PPP4R4: variants seen among roughly 807,000 people sequenced by gnomAD.
PPP4R4 encodes serine/threonine-protein phosphatase 4 regulatory subunit 4.
PPP4R4 carries 70 observed loss-of-function variants against 121.8 expected under a neutral mutation model. The observed-to-expected ratio is 0.57, with a 90% CI of 0.47 to 0.70. PPP4R4 has a LOEUF of 0.70. Ranked by LOEUF, PPP4R4 falls within the 30% of genes least tolerant of loss-of-function variation. PPP4R4 has a pLI of 0.00. For missense variants in PPP4R4, 875 were observed against 1,033.6 expected (o/e 0.85, Z 2.10); for synonymous variants, 348 against 355.7 (o/e 0.98, Z 0.24).
At chr14:94,257,570 A>G (rs186319507) in intron 17 of PPP4R4, among the ~76,000 whole-genome samples, 3 of 151,900 alleles carry the variant, frequency 2.0e-5, no homozygotes, top group African/African-American at 7.2e-5. Flanking sequence ...TTTTAGTTTT[A>G]ATGAAATGTG....
At chr14:94,232,050 T>C (rs919469788) in intron 5 of PPP4R4, among the ~76,000 whole-genome samples, 4 of 152,184 alleles carry the variant, frequency 2.6e-5, no homozygotes, top group African/African-American at 7.2e-5. Flanking sequence ...GCTATTTACC[T>C]ATTATGGTTG....
chr14:94,210,714 G>T (rs954180444), intron 3 of PPP4R4, among the ~76,000 whole-genome samples: 2 of 152,136 alleles, frequency 1.3e-5, no homozygotes, highest in African/African-American at 4.8e-5. Flanking sequence ...GTATAATAGA[G>T]TATTGTGTGC....
At chr14:94,265,314 T>A (rs1893983114) in intron 20 of PPP4R4, 73 bp from the exon 21 acceptor site, 2 of 1,074,374 alleles carry the variant, frequency 1.9e-6, no homozygotes, top group Admixed American at 3.7e-5. Context: ...ATTGTCTGAG[T>A]TGTCTTGTGT....
chr14:94,204,360 C>T (rs1321345053), intron 2 of PPP4R4, among the ~76,000 whole-genome samples: 1 of 151,836 alleles, frequency 6.6e-6, no homozygotes, highest in African/African-American at 2.4e-5. Context: ...ACTGGATTGT[C>T]TCTGCACTGT....
intron 19 of PPP4R4, among the ~76,000 whole-genome samples, chr14:94,261,651 G>T (rs1228242424): frequency 6.6e-6 from 1 of 151,888 alleles, no homozygotes; most frequent in Non-Finnish European, 1.5e-5. Context: ...CTGATCTTAG[G>T]GGGAAACAGT....
In PPP4R4 at chr14:94,272,182, GA is replaced by G. The variant is rs561358715; in HGVS notation, c.2450-3188del. ...ACTGTTGCGAAGTTTACCTAGAGAA[GA>G]AAAGTCCCGGAATAGCCAACATGAT... On this transcript the variant is annotated intron_variant, in intron 23 of 24. Coordinates refer to ENST00000304338, the MANE Select transcript of PPP4R4 (RefSeq NM_058237.2). Among the ~76,000 whole-genome samples the G allele has an allele frequency of 1.1e-3, 175 of 152,278 alleles. 1 individual carries two copies. Among genetic ancestry groups the G allele is most frequent in the Non-Finnish European group, 2.3e-3 (155 of 67,992 alleles).
chr14:94,176,888 G>A lies in PPP4R4; in HGVS notation c.191+761G>A, dbSNP rs568707250. ...TTACACAACATATTTTTCCCTTTTG[G>A]CAAATTAGTCACTCTTTTTTTTTCC... is the stretch of plus-strand genomic sequence containing the variant. On this transcript the variant is annotated intron_variant, in intron 2 of 24. Coordinates refer to ENST00000304338, the MANE Select transcript of PPP4R4 (RefSeq NM_058237.2). Among the ~76,000 whole-genome samples the A allele has an allele frequency of 5.9e-5, 9 of 151,878 alleles. No individual in the cohort carries two copies. In the South Asian group the frequency reaches 1.9e-3, roughly 31 times the overall value.
At chr14:94,174,889 T>TC (rs1888582408) in intron 1 of PPP4R4, among the ~76,000 whole-genome samples, 5 of 141,388 alleles carry the variant, frequency 3.5e-5, no homozygotes, top group Admixed American at 2.1e-4. Context: ...GGCGTCCGAA[T>TC]CCCCCCGGCC....
At chr14:94,266,824 G>T (rs989590004) in intron 22 of PPP4R4, 135 bp from the exon 23 acceptor site, 1 of 613,886 alleles carries the variant, frequency 1.6e-6, no homozygotes, top group South Asian at 2.1e-5. Context: ...TAAAAAAAAT[G>T]AGAAATAAAA....
rs988872772 is a variant in PPP4R4, at chr14:94,255,317, G to T, written c.1866-1143G>T. ...GCTGGTAAAAGATATTCAGAATCCG[G>T]ACTGGGCGCGGTGGCTCCTGCCTGT... On this transcript the variant is annotated intron_variant, in intron 16 of 24. Transcript: ENST00000304338. Among the ~76,000 whole-genome samples the T allele has an allele frequency of 6.6e-5, 10 of 152,180 alleles. No homozygotes were observed. The Middle Eastern group carries it at 0.014, about 207-fold the overall frequency.
In PPP4R4 at chr14:94,217,614, G is replaced by GT. The variant is rs1199677228; in HGVS notation, c.294+9049dup. Among the ~76,000 whole-genome samples, 4 of 152,108 alleles carry GT rather than the reference G, an allele frequency of 2.6e-5. No homozygotes were observed. The East Asian group carries it at 7.7e-4, about 29-fold the overall frequency. On this transcript the variant is annotated intron_variant, in intron 3 of 24. Coordinates refer to ENST00000304338, the MANE Select transcript of PPP4R4 (RefSeq NM_058237.2). ...ATTTAAAGTAACTGTGATTTATATGGTAAAAAAAAATCCACTGAAAAAACA... is the reference window on the plus strand; with the variant it reads ...ATTTAAAGTAACTGTGATTTATATGGTTAAAAAAAAATCCACTGAAAAAACA...
intron 2 of PPP4R4, among the ~76,000 whole-genome samples, chr14:94,206,271 A>G (rs1206823417): frequency 4.0e-5 from 6 of 151,822 alleles, no homozygotes; most frequent in African/African-American, 1.2e-4. Flanking sequence ...CTTGATACTC[A>G]TATAGCCACT....
At chr14:94,269,664 A>AAAAAC (rs1894223213) in intron 23 of PPP4R4, among the ~76,000 whole-genome samples, 5 of 151,696 alleles carry the variant, frequency 3.3e-5, no homozygotes, top group South Asian at 2.1e-4. Flanking sequence ...CCAGAAAAAA[A>AAAAAC]AAAAACAAAA....
chr14:94,208,119 A>G (rs758315789), intron 2 of PPP4R4, among the ~76,000 whole-genome samples: 2 of 151,982 alleles, frequency 1.3e-5, no homozygotes, highest in African/African-American at 2.4e-5. Flanking sequence ...TTTATAAAGT[A>G]TGGCAAACTG....
At chr14:94,197,472 T>TAAA (rs1889943444) in intron 2 of PPP4R4, among the ~76,000 whole-genome samples, 1 of 152,230 alleles carries the variant, frequency 6.6e-6, no homozygotes, top group Non-Finnish European at 1.5e-5. Context: ...TCAGGAAATT[T>TAAA]TAAAAAATGA....
At chr14:94,199,344 A>G (rs548897565) in intron 2 of PPP4R4, among the ~76,000 whole-genome samples, 4 of 152,132 alleles carry the variant, frequency 2.6e-5, no homozygotes, top group African/African-American at 9.6e-5. Context: ...CTCTAGGGGG[A>G]GCATGCAGAT....
chr14:94,182,850 T>A (rs978087131), intron 2 of PPP4R4, among the ~76,000 whole-genome samples: 1 of 152,152 alleles, frequency 6.6e-6, no homozygotes, highest in Non-Finnish European at 1.5e-5. Flanking sequence ...TGCTAAACAG[T>A]TTTCCAGTGT....
At chr14:94,238,350 C>T (rs1256317849) in intron 8 of PPP4R4, among the ~76,000 whole-genome samples, 1 of 152,248 alleles carries the variant, frequency 6.6e-6, no homozygotes. Flanking sequence ...TATTCCATCT[C>T]TCTTTTCTCC....
At chr14:94,219,982 C>T (rs1052998877) in intron 3 of PPP4R4, among the ~76,000 whole-genome samples, 14 of 152,014 alleles carry the variant, frequency 9.2e-5, no homozygotes, top group African/African-American at 2.7e-4. Context: ...CTAGCACTTT[C>T]GGAGGCCGAG....
Sources: gnomAD v4.1 joint callset for allele counts (sites outside exome capture counted in the v4.1 genomes callset) on GRCh38, gnomAD v4.1.1 for gene constraint, MANE v1.5 for transcripts, NCBI Gene and HGNC (gene_info 2026-07-23, HGNC 2026-07-21) for gene names.